SCRN2: variants seen among roughly 807,000 people sequenced by gnomAD.
SCRN2 encodes the protein secernin 2, also known as secernin-2.
In SCRN2, 30 loss-of-function variants were observed where a neutral mutation model predicts 40.1. The observed-to-expected ratio is 0.75, with a 90% CI of 0.56 to 1.01. The LOEUF (loss-of-function observed/expected upper bound fraction) is 1.01. SCRN2 is among the 50% of genes least tolerant of loss of function. SCRN2 has a pLI of 0.00. For missense variants in SCRN2, 526 were observed against 564.9 expected, an observed-to-expected ratio of 0.93 and a Z score of 0.70; for synonymous variants, 240 against 233.5, an observed-to-expected ratio of 1.03 and a Z score of -0.25.
Position 47,838,650 on chromosome 17 carries a change from C to A in SCRN2, c.819G>T (p.Glu273Asp). Residue 273 changes from glutamate to aspartate, a missense_variant, in exon 6 of 8, where the codon GAG (glutamate) becomes GAT (aspartate). Transcript: ENST00000290216. ...CTCCCGAGTCCATACAGATACCACT[C>A]TCCTTGTCTCTGAGGATGCCCATCA... ...EVMMGILRDKESGICMDSGGF... is the reference protein window; with the variant it reads ...EVMMGILRDKDSGICMDSGGF... 6.2e-7 allele frequency: 1 copy of A among 1,614,130 alleles called. No homozygotes were observed. Among genetic ancestry groups the A allele is most frequent in the Non-Finnish European group, 8.5e-7 (1 of 1,180,034 alleles).
rs1392657713 is a variant in SCRN2 at position 47,841,251 on chromosome 17, C to A, written c.-44G>T. The stretch of plus-strand genomic sequence containing the variant: ...CCCAGCTCGGTCCCGGGTGCCACCT[C>A]CTCCGCTTCTGGCCAGGGCCGCCCC... On this transcript the variant is annotated 5_prime_UTR_variant, in exon 1 of 8. Transcript: ENST00000290216. 1 of 159,986 alleles carries A rather than the reference C, an allele frequency of 6.3e-6. No individual in the cohort carries two copies. The highest frequency in any genetic ancestry group is 1.4e-5 in the Non-Finnish European group (1 of 73,184). The allele number at this position is 159,986 out of a possible 1,614,324, so 9.9% of individuals were successfully genotyped here.
At chr17:47,838,107 C>A (rs991870737) in intron 7 of SCRN2, 105 bp from the exon 8 acceptor site, 10 of 1,532,716 alleles carry the variant, frequency 6.5e-6, no homozygotes, top group African/African-American at 5.6e-5. Flanking sequence ...GGAGATACCC[C>A]CCGACATTCC....
At position 47,840,740 on chromosome 17, in the gene SCRN2, C is replaced by A; in HGVS notation, c.104G>T (p.Arg35Leu). 6.3e-7 allele frequency: 1 copy of A among 1,599,880 alleles called. No individual in the cohort carries two copies. The highest frequency in any genetic ancestry group is 8.5e-7 in the Non-Finnish European group (1 of 1,172,830). The stretch of plus-strand genomic sequence containing the variant: ...CACCTCCTGCACCTCGTCCCGGGGT[C>A]GGTCCGAGTTCTTGGCAAAGATCAC... The part of the protein sequence containing the change: ...PAVIFAKNSD[R>L]PRDEVQEVVF... Residue 35 changes from arginine to leucine, a missense_variant, in exon 2 of 8, where the codon CGA becomes CTA. Transcript: ENST00000290216.
In SCRN2 at chr17:47,839,771, T is replaced by G; in HGVS notation, c.357-128A>C. On this transcript the variant is annotated intron_variant, in intron 3 of 7. Transcript: ENST00000290216. ...GGCCCAAGTCACACAGCAAATCTGC[T>G]GGCACTGATCGTATCAAATGCAATT... 3 of 907,568 alleles carry G rather than the reference T, an allele frequency of 3.3e-6. No individual in the cohort carries two copies. The South Asian group carries it at 4.6e-5, about 14-fold the overall frequency. The allele number at this position is 907,568 out of a possible 1,614,324, so 56.2% of individuals were successfully genotyped here.
rs1397435739 is a variant in SCRN2 at position 47,838,611 on chromosome 17, CG to C, written c.857del (p.Thr286ArgfsTer67). The C allele has an allele frequency of 6.2e-7, 1 of 1,613,930 alleles. No homozygotes were observed. The highest frequency in any genetic ancestry group is 1.7e-5 in the Admixed American group (1 of 60,008). On this transcript the variant is annotated frameshift_variant, in exon 6 of 8. Transcript: ENST00000290216. LOFTEE classifies it high-confidence loss of function. ...GGGGCAGGACAGACACCATGCTGGC[CG>C]TGGTGCGAAAGCCTCCCGAGTCCAT... ...ICMDSGGFRT[T>X]ASMVSVLPQD...
At position 47,838,563 on chromosome 17, in the gene SCRN2, C is replaced by T; in HGVS notation, c.906G>A (p.Val302=). The change falls in exon 6 of 8, where the codon GTG becomes GTA. Residue 302 remains valine, a synonymous_variant. Coordinates refer to ENST00000290216, the MANE Select transcript of SCRN2 (RefSeq NM_138355.4). ...VLPQDPTQPC[V]HFLTATPDPS... ...GGTCTGGCGTGGCGGTAAGAAAGTG[C>T]ACGCAGGGCTGCGTGGGATCCTGGG... is the stretch of plus-strand genomic sequence containing the variant. 2 of 1,614,044 alleles carry T rather than the reference C, an allele frequency of 1.2e-6. No individual in the cohort carries two copies. The highest frequency in any genetic ancestry group is 1.7e-5 in the Admixed American group (1 of 60,018).
Position 47,840,374 on chromosome 17 carries a change from TGGAGGTGAGGGA to T in SCRN2, c.175-14_175-3del, listed in dbSNP as rs1441702974. On this transcript the variant is annotated splice_region_variant and splice_polypyrimidine_tract_variant and intron_variant, in intron 2 of 7. Coordinates refer to ENST00000290216, the MANE Select transcript of SCRN2 (RefSeq NM_138355.4). ...CTGTTCCACTTCAATGTAGGTGCAC[TGGAGGTGAGGGA>T]GGAGAAAGGAAGCGTCCACTCATAG... 3 of 1,613,468 alleles carry T rather than the reference TGGAGGTGAGGGA, an allele frequency of 1.9e-6. No homozygotes were observed. The highest frequency in any genetic ancestry group is 2.5e-6 in the Non-Finnish European group (3 of 1,179,648).
At chr17:47,840,906 C>G (rs370375872) in intron 1 of SCRN2, 63 bp from the exon 2 acceptor site, 1 of 1,377,558 alleles carries the variant, frequency 7.3e-7, no homozygotes, top group Non-Finnish European at 9.5e-7. Flanking sequence ...GCAGCCTACC[C>G]CCACACGTGT....
In SCRN2 at chr17:47,838,011, A is replaced by AG. The variant is rs1404072858; in HGVS notation, c.1120-10dup. On this transcript the variant is annotated splice_polypyrimidine_tract_variant and intron_variant, in intron 7 of 7. Transcript: ENST00000290216. ...AGCTGCTGCCCCCGATCCTGCCCCA[A>AG]GGGAAAGCTGAGATGAGTCTGTCCG... is the stretch of plus-strand genomic sequence containing the variant. 2.5e-6 allele frequency: 4 copies of AG among 1,604,382 alleles called. No homozygotes were observed. Among genetic ancestry groups the AG allele is most frequent in the Non-Finnish European group, 3.4e-6 (4 of 1,179,276 alleles).
chr17:47,839,153 TCA>T lies in SCRN2; in HGVS notation c.557-149_557-148del, dbSNP rs2033768148. 7.3e-6 allele frequency: 6 copies of T among 820,074 alleles called. No individual in the cohort carries two copies. In the South Asian group the frequency reaches 1.1e-4, roughly 14 times the overall value. 50.8% of individuals were successfully genotyped at this position (820,074 alleles called of 1,614,324 possible). A position where few individuals can be genotyped will look rare whatever the true frequency, so the allele number is the denominator to read the frequency against. On this transcript the variant is annotated intron_variant, in intron 4 of 7. Transcript: ENST00000290216. Reference sequence around the variant, plus strand: ...TTGGTGGGGGAGGCAGACAAAATAATCACAGAGATAAATGTAAGCATGCAACT... The same window carrying T: ...TTGGTGGGGGAGGCAGACAAAATAATCAGAGATAAATGTAAGCATGCAACT...
intron 3 of SCRN2, 90 bp downstream of exon 3, chr17:47,840,101 A>G: frequency 7.3e-7 from 1 of 1,368,692 alleles, no homozygotes; most frequent in Non-Finnish European, 1.0e-6. Flanking sequence ...CCTGTGAACC[A>G]GGCTGGGGGA....
rs1567955964 is a variant in SCRN2 at position 47,838,624 on chromosome 17, C to A, written c.845G>T (p.Gly282Val). ...KESGICMDSG[G>V]FRTTASMVSV... ...CACCATGCTGGCCGTGGTGCGAAAGCCTCCCGAGTCCATACAGATACCACT... is the reference window on the plus strand; with the variant it reads ...CACCATGCTGGCCGTGGTGCGAAAGACTCCCGAGTCCATACAGATACCACT... Residue 282 changes from glycine (G) to valine (V), a missense_variant, in exon 6 of 8, where the codon GGC becomes GTC. By Grantham distance (109) the Gly-to-Val change is moderately radical (BLOSUM62 -3). Coordinates refer to ENST00000290216, the MANE Select transcript of SCRN2 (RefSeq NM_138355.4). 2 of 1,614,086 alleles carry A rather than the reference C, an allele frequency of 1.2e-6. No individual in the cohort carries two copies. Among genetic ancestry groups the A allele is most frequent in the Non-Finnish European group, 1.7e-6 (2 of 1,180,026 alleles).
At position 47,837,850 on chromosome 17, in the gene SCRN2, A is replaced by G. The variant is rs758674150; in HGVS notation, c.1272T>C (p.Tyr424=). ...QAFVKRESQA[Y]A is the part of the protein sequence containing the mutation. ...CCAGCAGAAGCTATGAAGCTTACGC[A>G]TAAGCCTGGCTCTCCCTCTTCACGA... is the stretch of plus-strand genomic sequence containing the variant. Residue 424 remains tyrosine (Y), a synonymous_variant, in exon 8 of 8, where the codon TAT becomes TAC. Transcript: ENST00000290216. 3 of 1,599,102 alleles carry G rather than the reference A, an allele frequency of 1.9e-6. No homozygotes were observed. Among genetic ancestry groups the G allele is most frequent in the East Asian group, 2.2e-5 (1 of 44,782 alleles).
At chr17:47,838,100 G>A in intron 7 of SCRN2, 98 bp from the exon 8 acceptor site, 1 of 1,544,590 alleles carries the variant, frequency 6.5e-7, no homozygotes, top group Non-Finnish European at 8.6e-7. Context: ...GGAGAAAGGA[G>A]ATACCCCCCG....
At position 47,838,399 on chromosome 17, in the gene SCRN2, C is replaced by T. The variant is rs1485309907; in HGVS notation, c.990G>A (p.Gln330=). The T allele has an allele frequency of 6.2e-7, 1 of 1,610,096 alleles. No individual in the cohort carries two copies. Among genetic ancestry groups the T allele is most frequent in the Non-Finnish European group, 8.5e-7 (1 of 1,178,916 alleles). ...IFGMGVAQAP[Q]VLSPTFGAQD... ...GTGCTCCAAAAGTGGGGGACAGCAC[C>T]TGGGGGGCCTGGGCCACCCCCATCC... is the stretch of plus-strand genomic sequence containing the variant. Residue 330 remains glutamine (Q), a synonymous_variant, in exon 7 of 8, where the codon CAG becomes CAA. Transcript: ENST00000290216.
Position 47,839,615 on chromosome 17 carries a change from G to T in SCRN2, c.385C>A (p.Gln129Lys). ...CCTGTGATCACATGCAAGGCCTCCT[G>T]GGCAGAGCTGCTCCGTTCCAAAGCC... The part of the protein sequence containing the change: ...RLALERSSSA[Q>K]EALHVITGLL... Residue 129 changes from glutamine to lysine, a missense_variant, in exon 4 of 8, where the codon CAG becomes AAG. Physicochemically the swap from Gln to Lys is moderately conservative, Grantham distance 53. Coordinates refer to ENST00000290216, the MANE Select transcript of SCRN2 (RefSeq NM_138355.4). 6.2e-7 allele frequency: 1 copy of T among 1,614,058 alleles called. No individual in the cohort carries two copies. The highest frequency in any genetic ancestry group is 8.5e-7 in the Non-Finnish European group (1 of 1,180,042).
At position 47,838,110 on chromosome 17, in the gene SCRN2, G is replaced by A. The variant is rs1449605825; in HGVS notation, c.1120-108C>T. ...AAGCAGGAGAAAGGAGATACCCCCC[G>A]ACATTCCCCAAAGGCAGTTGCTGGC... On this transcript the variant is annotated intron_variant, in intron 7 of 7. Transcript: ENST00000290216. 18 of 1,533,364 alleles carry A rather than the reference G, an allele frequency of 1.2e-5. No individual in the cohort carries two copies. In the East Asian group the frequency reaches 1.6e-4, roughly 14 times the overall value. The allele number at this position is 1,533,364 out of a possible 1,614,324, so 95.0% of individuals were successfully genotyped here.
rs866896396 is a variant in SCRN2 at position 47,837,915 on chromosome 17, C to T, written c.1207G>A (p.Ala403Thr). 1.2e-6 allele frequency: 2 copies of T among 1,604,694 alleles called. No homozygotes were observed. Among genetic ancestry groups the T allele is most frequent in the Non-Finnish European group, 8.5e-7 (1 of 1,179,374 alleles). Residue 403 changes from alanine (A) to threonine (T), a missense_variant, in exon 8 of 8, where the codon GCC (alanine) becomes ACC (threonine). Ala to Thr is a moderately conservative substitution (Grantham distance 58). Transcript: ENST00000290216. The part of the protein sequence containing the change: ...ATQGLLAGEW[A>T]PPLWELGSLF... Reference sequence around the variant, plus strand: ...CTGCCCAGCTCCCAGAGGGGTGGGGCCCACTCGCCGGCCAGCAGCCCCTGT... The same window carrying T: ...CTGCCCAGCTCCCAGAGGGGTGGGGTCCACTCGCCGGCCAGCAGCCCCTGT...
In SCRN2 at chr17:47,838,455, A is replaced by G. The variant is rs994341348; in HGVS notation, c.939-5T>C. On this transcript the variant is annotated splice_polypyrimidine_tract_variant and splice_region_variant and intron_variant, in intron 6 of 7. Coordinates refer to ENST00000290216, the MANE Select transcript of SCRN2 (RefSeq NM_138355.4). ...ATGAAAGGTTTGAACACAGACCTAG[A>G]GGGGCACAGATGGAAGCACGGAGAT... 7 of 1,613,314 alleles carry G rather than the reference A, an allele frequency of 4.3e-6. No individual in the cohort carries two copies. Among genetic ancestry groups the G allele is most frequent in the African/African-American group, 2.7e-5 (2 of 74,874 alleles).
Sources: gnomAD v4.1 joint callset for allele counts on GRCh38, gnomAD v4.1.1 for gene constraint, MANE v1.5 for transcripts, NCBI Gene and HGNC (gene_info 2026-07-23, HGNC 2026-07-21) for gene names.